Variants in PCM1 observed in about 807,000 individuals in gnomAD.
PCM1 encodes the protein pericentriolar material 1 protein.
A neutral mutation model predicts 241.9 loss-of-function variants in PCM1; 157 were observed. The observed-to-expected ratio is 0.65, with a 90% CI of 0.57 to 0.74. The LOEUF (loss-of-function observed/expected upper bound fraction) is 0.74. Among genes scored for constraint, PCM1 ranks in the 30% least tolerant of loss-of-function variants. The pLI, the probability that PCM1 is intolerant of heterozygous loss-of-function variation, is 0.00. For missense variants in PCM1, 3,478 were observed against 2,360.1 expected (o/e 1.47, Z -9.81); for synonymous variants, 1,085 against 784.9 (o/e 1.38, Z -6.39).
intron 2 of PCM1, among the ~76,000 whole-genome samples, chr8:17,930,395 G>A (rs1200203737): frequency 6.6e-6 from 1 of 151,704 alleles, no homozygotes; most frequent in South Asian, 2.1e-4. Flanking sequence ...GAGCCACTGC[G>A]CCTGACCGTT....
chr8:17,986,126 T>C (rs1402533346), intron 26 of PCM1, 39 bp downstream of exon 26: 6 of 1,337,072 alleles, frequency 4.5e-6, no homozygotes, highest in Non-Finnish European at 6.0e-6. Context: ...GATATAATTT[T>C]AGTATGCAGT....
intron 2 of PCM1, among the ~76,000 whole-genome samples, chr8:17,929,803 G>A (rs2058385125): frequency 6.6e-6 from 1 of 152,118 alleles, no homozygotes; most frequent in African/African-American, 2.4e-5. Flanking sequence ...ATGTAACTGT[G>A]ATAAAGTTTA....
At chr8:17,963,335 C>G (rs995190786) in intron 17 of PCM1, 44 bp downstream of exon 17, 21 of 1,453,064 alleles carry the variant, frequency 1.4e-5, no homozygotes, top group African/African-American at 2.9e-5. Flanking sequence ...TGTCACCTGC[C>G]GAAGATTGAC....
chr8:18,000,692 G>C (rs1489884623), intron 29 of PCM1, among the ~76,000 whole-genome samples: 1 of 152,078 alleles, frequency 6.6e-6, no homozygotes, highest in African/African-American at 2.4e-5. Context: ...CGCGATCTCG[G>C]CTCACTGCAA....
At position 17,991,625 on chromosome 8, in the gene PCM1, A is replaced by T; in HGVS notation, c.4615A>T (p.Asn1539Tyr). Residue 1539 changes from asparagine to tyrosine, a missense_variant, in exon 28 of 39, where the codon AAT becomes TAT. Asn to Tyr is a moderately radical substitution (Grantham distance 143). Transcript: ENST00000325083. ...GAAGACTGAGGCTGAAAGTAACTCA[A>T]ATATGAGATGCACCTGCAGGATTAT... ...RMKTEAESNS[N>Y]MRCTCRIIED... 6.3e-7 allele frequency: 1 copy of T among 1,581,400 alleles called. No homozygotes were observed. Among genetic ancestry groups the T allele is most frequent in the Non-Finnish European group, 8.6e-7 (1 of 1,162,538 alleles).
In PCM1 at chr8:17,985,548, A is replaced by G; in HGVS notation, c.4210A>G (p.Ile1404Val). 10 of 1,601,812 alleles carry G rather than the reference A, an allele frequency of 6.2e-6. No individual in the cohort carries two copies. Among genetic ancestry groups the G allele is most frequent in the Non-Finnish European group, 7.7e-6 (9 of 1,173,020 alleles). Residue 1404 changes from isoleucine to valine, a missense_variant, in exon 25 of 39, where the codon ATT (isoleucine) becomes GTT (valine). By Grantham distance (29) the Ile-to-Val change is conservative. Coordinates refer to ENST00000325083, the MANE Select transcript of PCM1 (RefSeq NM_006197.4). ...AAATGAATCTCGTCCACATTTTCTT[A>G]TTGAACTCTTCCATGAGCTGCAGCT... ...SQNESRPHFL[I>V]ELFHELQLLN...
intron 22 of PCM1, among the ~76,000 whole-genome samples, 200 bp downstream of exon 22, chr8:17,969,948 G>A (rs947917169): frequency 2.0e-5 from 3 of 152,130 alleles, no homozygotes; most frequent in African/African-American, 7.2e-5. Context: ...AAGTTGTTTG[G>A]AAGGATGTGG....
Position 18,029,866 on chromosome 8 carries a change from T to G in PCM1, c.*2204T>G, listed in dbSNP as rs1307339909. 2.6e-5 allele frequency: 5 copies of G among 194,646 alleles called. No homozygotes were observed. The highest frequency in any genetic ancestry group is 1.2e-4 in the African/African-American group (5 of 43,324). The allele number at this position is 194,646 out of a possible 1,614,324, so 12.1% of individuals were successfully genotyped here. A position where few individuals can be genotyped will look rare whatever the true frequency, so the allele number is the denominator to read the frequency against. On this transcript the variant is annotated 3_prime_UTR_variant, in exon 39 of 39. Transcript: ENST00000325083. ...GCCTAAAATAATGAGCTGGCCAGAC[T>G]GTGGAGGTACTCTTTGTATTTTGTA... is the stretch of plus-strand genomic sequence containing the variant.
intron 18 of PCM1, among the ~76,000 whole-genome samples, 191 bp from the exon 19 acceptor site, chr8:17,965,808 T>G (rs898720718): frequency 6.6e-6 from 1 of 152,232 alleles, no homozygotes; most frequent in Non-Finnish European, 1.5e-5. Flanking sequence ...GACTGGAGAC[T>G]AATGAAAACT....
chr8:18,024,667 G>C (rs2094028953), intron 36 of PCM1, among the ~76,000 whole-genome samples: 4 of 152,170 alleles, frequency 2.6e-5, no homozygotes, highest in African/African-American at 9.7e-5. Context: ...GTGCAAGGAA[G>C]TGAAATGGTC....
intron 29 of PCM1, among the ~76,000 whole-genome samples, chr8:18,003,555 C>T (rs143487192): frequency 7.9e-5 from 12 of 152,078 alleles, no homozygotes; most frequent in Non-Finnish European, 1.6e-4. Flanking sequence ...CTTCACTGTT[C>T]CTGAGATACT....
In PCM1 at chr8:18,014,009, C is replaced by A. The variant is rs186850655; in HGVS notation, c.5557C>A (p.Pro1853Thr). 1.9e-6 allele frequency: 3 copies of A among 1,601,390 alleles called. No individual in the cohort carries two copies. Among genetic ancestry groups the A allele is most frequent in the East Asian group, 4.5e-5 (2 of 44,534 alleles). The change falls in exon 35 of 39, where the codon CCA becomes ACA. Residue 1853 changes from proline to threonine, a missense_variant. Physicochemically the swap from Pro to Thr is conservative, Grantham distance 38. Transcript: ENST00000325083. ...AAAGACAGCAGAAAGCAAAAATGTC[C>A]CATTGGAACGAGAAGCCACTAGTAA... ...FKKTAESKNV[P>T]LEREATSKND...
At chr8:18,008,350 C>T (rs1323906225) in intron 30 of PCM1, among the ~76,000 whole-genome samples, 1 of 151,968 alleles carries the variant, frequency 6.6e-6, no homozygotes, top group Non-Finnish European at 1.5e-5. Context: ...CCATCACCCC[C>T]ATATGAGACC....
intron 7 of PCM1, among the ~76,000 whole-genome samples, chr8:17,949,637 A>G (rs922267852): frequency 1.3e-5 from 2 of 152,036 alleles, no homozygotes; most frequent in African/African-American, 4.8e-5. Context: ...AGCTAGGAAT[A>G]CAGGCGTGCT....
intron 36 of PCM1, among the ~76,000 whole-genome samples, chr8:18,022,268 AACG>A (rs1344562535): frequency 1.3e-5 from 2 of 152,200 alleles, no homozygotes; most frequent in Admixed American, 6.5e-5. Context: ...ACCACAATGA[AACG>A]ACTACATTTA....
At chr8:17,947,056 C>T (rs192018191) in intron 6 of PCM1, 130 bp from the exon 7 acceptor site, 236 of 550,042 alleles carry the variant, frequency 4.3e-4, no homozygotes, top group African/African-American at 4.2e-3. Context: ...TTCTTGATGT[C>T]TACTAAAACT....
rs747834392 is a variant in PCM1, at chr8:17,939,029, T to C, written c.612+20T>C. Reference sequence around the variant, plus strand: ...AGCCAGGTGATAACGTTTGTTTCTTTTGCTCATTCTTTACACAAACCTCAA... The same window carrying C: ...AGCCAGGTGATAACGTTTGTTTCTTCTGCTCATTCTTTACACAAACCTCAA... On this transcript the variant is annotated intron_variant, in intron 5 of 38. Transcript: ENST00000325083. The C allele has an allele frequency of 5.0e-6, 8 of 1,611,470 alleles. No homozygotes were observed. The highest frequency in any genetic ancestry group is 2.2e-5 in the South Asian group (2 of 90,712).
Position 17,964,595 on chromosome 8 carries a change from C to A in PCM1, c.2682C>A (p.Thr894=). 2 of 1,613,632 alleles carry A rather than the reference C, an allele frequency of 1.2e-6. No individual in the cohort carries two copies. The highest frequency in any genetic ancestry group is 1.7e-6 in the Non-Finnish European group (2 of 1,179,758). The change falls in exon 18 of 39, where the codon ACC becomes ACA. Residue 894 remains threonine (T), a synonymous_variant. Coordinates refer to ENST00000325083, the MANE Select transcript of PCM1 (RefSeq NM_006197.4). ...CGATGGCAACTTGGGGAGGGTCTAC[C>A]CAGTGTGCACTAGATGAAGAAGGAG... ...EKTMATWGGS[T]QCALDEEGDE...
intron 10 of PCM1, 27 bp downstream of exon 10, chr8:17,955,680 A>C: frequency 1.3e-6 from 2 of 1,530,746 alleles, no homozygotes; most frequent in Non-Finnish European, 1.8e-6. Context: ...CATTGTTTAC[A>C]TGAAGTTAAA....
Sources: allele counts gnomAD v4.1 joint callset (sites outside exome capture counted in the v4.1 genomes callset), GRCh38; gene constraint gnomAD v4.1.1; transcripts MANE v1.5; gene names NCBI Gene and HGNC (gene_info 2026-07-23, HGNC 2026-07-21).